Variants in SPTLC3 observed in about 807,000 individuals in gnomAD.
SPTLC3 encodes serine palmitoyltransferase long chain base subunit 3, also known as serine palmitoyltransferase 3.
Under a neutral mutation model 59.3 loss-of-function variants are expected in SPTLC3, and 36 were observed. The observed-to-expected ratio is 0.61, with a 90% CI of 0.47 to 0.80. SPTLC3 has a LOEUF of 0.80. Among genes scored for constraint, SPTLC3 ranks in the 30% least tolerant of loss-of-function variants. SPTLC3 has a pLI of 0.00. For synonymous variants in SPTLC3, 257 were observed against 240.8 expected (o/e 1.07, Z -0.62); for missense variants, 625 against 685.1 (o/e 0.91, Z 0.98).
chr20:13,015,822 A>G (rs2122366841), intron 1 of SPTLC3, among the ~76,000 whole-genome samples: 1 of 152,246 alleles, frequency 6.6e-6, no homozygotes, highest in Non-Finnish European at 1.5e-5. Context: ...TTAATCTATT[A>G]AAGTATAAGA....
rs1322360502 is a variant in SPTLC3, at chr20:13,091,078, T to C, written c.608-5T>C. 3 of 1,613,406 alleles carry C rather than the reference T, an allele frequency of 1.9e-6. No individual in the cohort carries two copies. The African/African-American group carries it at 4.0e-5, about 22-fold the overall frequency. Reference sequence around the variant, plus strand: ...GGCTCACTTCTCATGTAATTTTATGTGCAGGCACCTTGGATAAGCACAAGG... The same window carrying C: ...GGCTCACTTCTCATGTAATTTTATGCGCAGGCACCTTGGATAAGCACAAGG... On this transcript the variant is annotated splice_region_variant and splice_polypyrimidine_tract_variant and intron_variant, in intron 4 of 11. Transcript: ENST00000399002.
intron 1 of SPTLC3, among the ~76,000 whole-genome samples, chr20:13,014,484 A>G (rs890437265): frequency 6.6e-6 from 1 of 152,198 alleles, no homozygotes; most frequent in African/African-American, 2.4e-5. Context: ...TGGCCAATGA[A>G]AGATGAGTTC....
intron 7 of SPTLC3, among the ~76,000 whole-genome samples, chr20:13,116,374 C>T (rs569870097): frequency 2.1e-4 from 32 of 152,244 alleles, no homozygotes; most frequent in African/African-American, 6.5e-4. Context: ...TGTGTGTTTT[C>T]GTACAACTTG....
chr20:13,074,279 C>T, intron 3 of SPTLC3, 70 bp from the exon 4 acceptor site: 1 of 1,578,682 alleles, frequency 6.3e-7, no homozygotes, highest in East Asian at 2.3e-5. Context: ...AAGTCTTCCA[C>T]CAGGGATTTT....
At chr20:13,134,235 C>G (rs1339210920) in intron 9 of SPTLC3, among the ~76,000 whole-genome samples, 1 of 152,150 alleles carries the variant, frequency 6.6e-6, no homozygotes, top group Non-Finnish European at 1.5e-5. Flanking sequence ...GATGCAGATG[C>G]TCACAAAATA....
intron 2 of SPTLC3, chr20:13,050,226 C>T (rs995807400): frequency 2.0e-5 from 3 of 152,030 alleles, no homozygotes; most frequent in African/African-American, 7.2e-5. Context: ...AAATAGATGG[C>T]TTAAAGTAAA....
Position 13,117,502 on chromosome 20 carries a change from C to T in SPTLC3, c.933-4C>T, listed in dbSNP as rs1160663777. Reference sequence around the variant, plus strand: ...AGTTATGAGCATTTCTCCTTCTGCCCTAGCATGGAAGGTTCCATCGTGCAT... The same window carrying T: ...AGTTATGAGCATTTCTCCTTCTGCCTTAGCATGGAAGGTTCCATCGTGCAT... On this transcript the variant is annotated splice_polypyrimidine_tract_variant and splice_region_variant and intron_variant, in intron 7 of 11. Transcript: ENST00000399002. 3.2e-6 allele frequency: 5 copies of T among 1,575,262 alleles called. No homozygotes were observed. In the Admixed American group the frequency reaches 9.4e-5, roughly 30 times the overall value.
intron 1 of SPTLC3, among the ~76,000 whole-genome samples, chr20:13,010,350 C>T (rs545523597): frequency 6.6e-6 from 1 of 152,192 alleles, no homozygotes. Context: ...TATCCACCCA[C>T]AGGAAAGGCA....
intron 4 of SPTLC3, among the ~76,000 whole-genome samples, chr20:13,087,356 TG>T (rs1334766412): frequency 6.6e-6 from 1 of 152,214 alleles, no homozygotes; most frequent in Non-Finnish European, 1.5e-5. Flanking sequence ...TCTGGGTGAC[TG>T]GGCCAGTTTC....
At chr20:13,159,491 C>T (rs1404345859) in intron 10 of SPTLC3, among the ~76,000 whole-genome samples, 1 of 152,142 alleles carries the variant, frequency 6.6e-6, no homozygotes, top group Non-Finnish European at 1.5e-5. Flanking sequence ...TACAGACCCT[C>T]TGATCTTGGT....
At chr20:13,079,544 TTGA>T (rs1223550225) in intron 4 of SPTLC3, among the ~76,000 whole-genome samples, 3 of 152,218 alleles carry the variant, frequency 2.0e-5, no homozygotes, top group African/African-American at 7.2e-5. Flanking sequence ...AATAAATGAA[TTGA>T]TGAAAAATAT....
chr20:13,153,946 C>A, intron 9 of SPTLC3, 57 bp from the exon 10 acceptor site: 9 of 1,598,178 alleles, frequency 5.6e-6, no homozygotes, highest in Non-Finnish European at 7.7e-6. Context: ...GTTGACCGGA[C>A]CTTTACTTCC....
intron 8 of SPTLC3, among the ~76,000 whole-genome samples, chr20:13,120,159 T>C (rs1170351050): frequency 1.3e-5 from 2 of 152,216 alleles, no homozygotes; most frequent in Non-Finnish European, 2.9e-5. Flanking sequence ...AAAAACTACT[T>C]CTACTAGTAT....
intron 1 of SPTLC3, among the ~76,000 whole-genome samples, chr20:13,043,298 C>CCCTTGTAG (rs1205165938): frequency 6.6e-6 from 1 of 152,168 alleles, no homozygotes; most frequent in East Asian, 1.9e-4. Flanking sequence ...AACCTTCCTG[C>CCCTTGTAG]CCTTGTAGAT....
At chr20:13,113,717 G>T (rs1279786828) in intron 7 of SPTLC3, among the ~76,000 whole-genome samples, 1 of 152,192 alleles carries the variant, frequency 6.6e-6, no homozygotes, top group Non-Finnish European at 1.5e-5. Context: ...ATAAGCTAGT[G>T]TTGGCAGAGG....
intron 1 of SPTLC3, among the ~76,000 whole-genome samples, chr20:13,021,445 C>T (rs1047708390): frequency 2.6e-5 from 4 of 152,040 alleles, no homozygotes; most frequent in Admixed American, 2.6e-4. Context: ...CTCTGTGTTC[C>T]CTTGCCCTGG....
chr20:13,135,298 A>T (rs1304724318), intron 9 of SPTLC3, among the ~76,000 whole-genome samples: 1 of 152,194 alleles, frequency 6.6e-6, no homozygotes, highest in Non-Finnish European at 1.5e-5. Context: ...AAAATATTCC[A>T]TATTCCTAAC....
chr20:13,079,930 G>C, intron 4 of SPTLC3: 1 of 329,758 alleles, frequency 3.0e-6, no homozygotes, highest in South Asian at 2.3e-5. Context: ...GGCTTCTCAA[G>C]CCTGATTCTG....
At chr20:13,109,061 G>A (rs1990074539) in intron 6 of SPTLC3, among the ~76,000 whole-genome samples, 1 of 151,988 alleles carries the variant, frequency 6.6e-6, no homozygotes, top group Admixed American at 6.6e-5. Flanking sequence ...TTTCTTGCTA[G>A]GCTTAAATGT....
Sources: gnomAD v4.1 joint callset for allele counts (sites outside exome capture counted in the v4.1 genomes callset) on GRCh38, gnomAD v4.1.1 for gene constraint, MANE v1.5 for transcripts, NCBI Gene and HGNC (gene_info 2026-07-23, HGNC 2026-07-21) for gene names.